DNAJC1: variants seen among roughly 807,000 people sequenced by gnomAD.
DNAJC1 encodes the protein DnaJ heat shock protein family (Hsp40) member C1.
DNAJC1 carries 58 observed loss-of-function variants against 76.6 expected under a neutral mutation model. The ratio of observed to expected loss-of-function variants is 0.76; its 90% CI spans 0.61 to 0.94. The LOEUF (loss-of-function observed/expected upper bound fraction) is 0.94, where lower values mean the gene tolerates loss of function less well. Among genes scored for constraint, DNAJC1 ranks in the 40% least tolerant of loss-of-function variants. The pLI, the probability that DNAJC1 is intolerant of heterozygous loss-of-function variation, is 0.00. For missense variants in DNAJC1, 689 were observed against 677.3 expected (o/e 1.02, Z -0.19); for synonymous variants, 258 against 267.9 (o/e 0.96, Z 0.36).
intron 7 of DNAJC1, among the ~76,000 whole-genome samples, chr10:21,901,054 CT>C (rs1836644669): frequency 6.6e-6 from 1 of 152,186 alleles, no homozygotes; most frequent in Admixed American, 6.5e-5. Context: ...GTGCTTCATC[CT>C]ACAGGGTGTG....
At chr10:21,934,694 G>A (rs1390048184) in intron 1 of DNAJC1, among the ~76,000 whole-genome samples, 1 of 152,112 alleles carries the variant, frequency 6.6e-6, no homozygotes, top group African/African-American at 2.4e-5. Flanking sequence ...AGGAGCAATA[G>A]GTTATACCAT....
chr10:21,906,429 G>A (rs1043917175), intron 6 of DNAJC1, among the ~76,000 whole-genome samples: 21 of 152,234 alleles, frequency 1.4e-4, no homozygotes, highest in African/African-American at 5.1e-4. Context: ...ATACCTTGGT[G>A]TGAATGAATG....
chr10:21,827,810 C>T (rs1835286934), intron 8 of DNAJC1, among the ~76,000 whole-genome samples: 1 of 152,334 alleles, frequency 6.6e-6, no homozygotes, highest in Non-Finnish European at 1.5e-5. Context: ...ACCCACTATA[C>T]ATTGATGACT....
chr10:21,803,275 C>G (rs75892370), intron 9 of DNAJC1, among the ~76,000 whole-genome samples: 5,412 of 152,098 alleles, frequency 0.036, 169 homozygotes, highest in African/African-American at 0.07. Context: ...CAAGGAAACC[C>G]GGTCAAAGAA....
chr10:21,861,767 G>A (rs953632895), intron 8 of DNAJC1, among the ~76,000 whole-genome samples: 3 of 152,014 alleles, frequency 2.0e-5, no homozygotes, highest in Admixed American at 6.5e-5. Context: ...AAGTTACCCC[G>A]GATGGTCTAG....
intron 8 of DNAJC1, among the ~76,000 whole-genome samples, chr10:21,853,028 GCTA>G (rs1835780714): frequency 6.6e-6 from 1 of 152,078 alleles, no homozygotes; most frequent in South Asian, 2.1e-4. Flanking sequence ...GTCTACTGCT[GCTA>G]CTTTCACCTT....
intron 9 of DNAJC1, among the ~76,000 whole-genome samples, chr10:21,781,187 G>C (rs1834523363): frequency 1.3e-5 from 2 of 152,138 alleles, no homozygotes. Context: ...ACAGATCAAA[G>C]AGACAGAAAG....
intron 6 of DNAJC1, 45 bp from the exon 7 acceptor site, chr10:21,904,657 G>T: frequency 8.3e-7 from 1 of 1,202,072 alleles, no homozygotes. Context: ...AAATCAGTGT[G>T]CTTCAATAAT....
At chr10:21,805,758 G>A (rs1248988844) in intron 9 of DNAJC1, among the ~76,000 whole-genome samples, 1 of 152,132 alleles carries the variant, frequency 6.6e-6, no homozygotes, top group African/African-American at 2.4e-5. Flanking sequence ...AGTAGCTTAA[G>A]TCTCTAAACA....
chr10:21,944,957 CA>C (rs1837481913), intron 1 of DNAJC1, among the ~76,000 whole-genome samples: 1 of 151,980 alleles, frequency 6.6e-6, no homozygotes, highest in Admixed American at 6.6e-5. Context: ...ATGAACTTGC[CA>C]AGTAGGAGGT....
chr10:21,857,941 T>C (rs910927724), intron 8 of DNAJC1, among the ~76,000 whole-genome samples: 2 of 152,282 alleles, frequency 1.3e-5, no homozygotes, highest in South Asian at 2.1e-4. Context: ...CTGGGTCTAT[T>C]TGTGTAAAAA....
intron 9 of DNAJC1, chr10:21,785,726 C>T (rs137913796): frequency 1.3e-5 from 2 of 152,020 alleles, no homozygotes; most frequent in East Asian, 3.9e-4. Context: ...CTCTGTTGAA[C>T]ACAGGAAAGA....
At chr10:21,972,813 G>C (rs1172806718) in intron 1 of DNAJC1, among the ~76,000 whole-genome samples, 1 of 151,948 alleles carries the variant, frequency 6.6e-6, no homozygotes, top group African/African-American at 2.4e-5. Context: ...TATATTTCCT[G>C]TTCTACACCA....
chr10:21,777,822 C>T (rs1280230829), intron 9 of DNAJC1, among the ~76,000 whole-genome samples: 5 of 152,192 alleles, frequency 3.3e-5, no homozygotes, highest in Non-Finnish European at 2.9e-5. Flanking sequence ...TTTACAATTG[C>T]ATAATGGTTC....
intron 9 of DNAJC1, among the ~76,000 whole-genome samples, chr10:21,793,151 G>A (rs1834710918): frequency 6.6e-6 from 1 of 151,964 alleles, no homozygotes; most frequent in South Asian, 2.1e-4. Flanking sequence ...ACTAAAAATA[G>A]AAAAATTAGC....
intron 8 of DNAJC1, among the ~76,000 whole-genome samples, chr10:21,832,812 T>G (rs545990086): frequency 6.6e-6 from 1 of 152,336 alleles, no homozygotes; most frequent in Non-Finnish European, 1.5e-5. Context: ...TCTGTATGAT[T>G]TAAACACTCT....
intron 1 of DNAJC1, among the ~76,000 whole-genome samples, chr10:21,957,349 T>C (rs1404431088): frequency 3.3e-5 from 5 of 152,212 alleles, no homozygotes; most frequent in Non-Finnish European, 7.3e-5. Flanking sequence ...CATTGTCATC[T>C]TAATTCTTTT....
intron 1 of DNAJC1, among the ~76,000 whole-genome samples, chr10:21,996,373 A>T (rs1838415369): frequency 6.6e-6 from 1 of 152,220 alleles, no homozygotes; most frequent in African/African-American, 2.4e-5. Flanking sequence ...ATTTTATCAA[A>T]CAACTTTTAT....
intron 6 of DNAJC1, among the ~76,000 whole-genome samples, chr10:21,910,438 T>C (rs1836835497): frequency 6.6e-6 from 1 of 152,198 alleles, no homozygotes; most frequent in Admixed American, 6.5e-5. Context: ...GTTCATTAAG[T>C]GATAAGAGAA....
Sources: gnomAD v4.1 joint callset for allele counts (sites outside exome capture counted in the v4.1 genomes callset) on GRCh38, gnomAD v4.1.1 for gene constraint, MANE v1.5 for transcripts, NCBI Gene and HGNC (gene_info 2026-07-23, HGNC 2026-07-21) for gene names.